The following SETBP1 variants were observed in gnomAD, a reference collection of about 807,000 sequenced individuals.
The protein encoded by SETBP1 is SET binding protein 1.
A neutral mutation model predicts 101.0 loss-of-function variants in SETBP1; 9 were observed. The ratio of observed to expected loss-of-function variants is 0.09; its 90% confidence interval spans 0.05 to 0.16. The LOEUF is 0.16. Ranked by LOEUF, SETBP1 falls within the 10% of genes least tolerant of loss-of-function variation. The pLI, the probability that SETBP1 is intolerant of heterozygous loss-of-function variation, is 1.00. For missense variants in SETBP1, 1,858 were observed against 2,033.8 expected (o/e 0.91, Z 1.66); for synonymous variants, 818 against 788.5 (o/e 1.04, Z -0.63).
At chr18:44,692,973 AGAGTATAAAAACACCACT>A (rs1204315468) in intron 1 of SETBP1, among the ~76,000 whole-genome samples, 1 of 152,208 alleles carries the variant, frequency 6.6e-6, no homozygotes, top group African/African-American at 2.4e-5. Context: ...ACACAAGTGC[AGAGTATAAAAACACCACT>A]GAGTAGGAGC....
chr18:44,704,482 T>G (rs1329615180), intron 2 of SETBP1, among the ~76,000 whole-genome samples: 1 of 152,230 alleles, frequency 6.6e-6, no homozygotes, highest in Non-Finnish European at 1.5e-5. Flanking sequence ...CTTCATATGG[T>G]ACTTCTCCAC....
intron 4 of SETBP1, among the ~76,000 whole-genome samples, chr18:44,970,475 T>G (rs926067751): frequency 6.6e-6 from 1 of 152,246 alleles, no homozygotes; most frequent in Non-Finnish European, 1.5e-5. Context: ...TATACCAACC[T>G]TTATTTCATA....
At chr18:44,736,327 C>A (rs1279333813) in intron 2 of SETBP1, among the ~76,000 whole-genome samples, 1 of 152,178 alleles carries the variant, frequency 6.6e-6, no homozygotes, top group Non-Finnish European at 1.5e-5. Flanking sequence ...TGCAGCAAGT[C>A]ATGATTGCAT....
chr18:44,809,948 C>T (rs1030247784), intron 2 of SETBP1, among the ~76,000 whole-genome samples: 2 of 152,208 alleles, frequency 1.3e-5, no homozygotes, highest in Non-Finnish European at 2.9e-5. Context: ...ACCACGTTCT[C>T]CAGGCTTATC....
chr18:44,912,592 T>C (rs908483128), intron 3 of SETBP1, among the ~76,000 whole-genome samples: 2 of 152,122 alleles, frequency 1.3e-5, no homozygotes, highest in Non-Finnish European at 2.9e-5. Flanking sequence ...TAATTTTTTG[T>C]ATTTTTAGTA....
At chr18:45,048,549 C>T (rs985268767) in intron 5 of SETBP1, among the ~76,000 whole-genome samples, 1 of 152,166 alleles carries the variant, frequency 6.6e-6, no homozygotes, top group African/African-American at 2.4e-5. Flanking sequence ...AGTCCCCTAC[C>T]CTTGAGGGCG....
intron 2 of SETBP1, among the ~76,000 whole-genome samples, chr18:44,747,424 C>G (rs2070280011): frequency 6.6e-6 from 1 of 152,326 alleles, no homozygotes; most frequent in South Asian, 2.1e-4. Context: ...AAAAAAAATT[C>G]TCCTTTTATT....
At chr18:44,740,813 T>C (rs1035381257) in intron 2 of SETBP1, among the ~76,000 whole-genome samples, 2 of 152,228 alleles carry the variant, frequency 1.3e-5, no homozygotes, top group Non-Finnish European at 2.9e-5. Flanking sequence ...TTCTCATTTT[T>C]AATTGGTTTT....
At chr18:44,934,532 C>T (rs1352742277) in intron 3 of SETBP1, among the ~76,000 whole-genome samples, 1 of 152,176 alleles carries the variant, frequency 6.6e-6, no homozygotes, top group Non-Finnish European at 1.5e-5. Context: ...GGGATTCGAA[C>T]TTGTTTTTCT....
intron 4 of SETBP1, among the ~76,000 whole-genome samples, chr18:45,029,630 C>A (rs1291373392): frequency 6.6e-6 from 1 of 152,150 alleles, no homozygotes; most frequent in Admixed American, 6.5e-5. Flanking sequence ...GATATTGATT[C>A]TTCCCACCCA....
intron 4 of SETBP1, among the ~76,000 whole-genome samples, chr18:44,968,293 A>G (rs2071764769): frequency 6.6e-6 from 1 of 152,238 alleles, no homozygotes; most frequent in Admixed American, 6.5e-5. Flanking sequence ...AATGAACAAG[A>G]AAGATAAAAG....
At chr18:44,681,595 A>G (rs1225631359) in intron 1 of SETBP1, among the ~76,000 whole-genome samples, 2 of 138,830 alleles carry the variant, frequency 1.4e-5, no homozygotes, top group Non-Finnish European at 3.1e-5. Flanking sequence ...CAAGTCTGAA[A>G]TCGGATCCAA....
At chr18:44,828,919 C>A (rs904830475) in intron 2 of SETBP1, among the ~76,000 whole-genome samples, 1 of 152,240 alleles carries the variant, frequency 6.6e-6, no homozygotes, top group Admixed American at 6.5e-5. Context: ...CTACACCCTG[C>A]TATAATCTTG....
intron 3 of SETBP1, among the ~76,000 whole-genome samples, chr18:44,931,165 C>T (rs1240738961): frequency 6.6e-6 from 1 of 152,208 alleles, no homozygotes; most frequent in Non-Finnish European, 1.5e-5. Flanking sequence ...TTTCAAAGAA[C>T]ATCTTTATTT....
At chr18:44,770,522 A>G (rs2070849668) in intron 2 of SETBP1, among the ~76,000 whole-genome samples, 1 of 152,222 alleles carries the variant, frequency 6.6e-6, no homozygotes, top group African/African-American at 2.4e-5. Context: ...TGGGATATGC[A>G]GTGGATTCGT....
In SETBP1 at chr18:44,953,095, G is replaced by A. The variant is rs752515477; in HGVS notation, c.3755G>A (p.Ser1252Asn). The change falls in exon 4 of 6, where the codon AGC becomes AAC. Residue 1252 changes from serine (S) to asparagine (N), a missense_variant. Coordinates refer to ENST00000649279, the MANE Select transcript of SETBP1 (RefSeq NM_015559.3). Reference protein sequence around the residue: ...WTQAKEKGDLSSEPVDSCTKR... With the variant: ...WTQAKEKGDLNSEPVDSCTKR... ...CAGGCCAAGGAAAAAGGAGACTTGA[G>A]CAGTGAGCCTGTGGACTCATGCACG... 1 of 1,614,094 alleles carries A rather than the reference G, an allele frequency of 6.2e-7. No individual in the cohort carries two copies. Among genetic ancestry groups the A allele is most frequent in the African/African-American group, 1.3e-5 (1 of 74,944 alleles).
At chr18:44,885,512 A>G (rs978700492) in intron 3 of SETBP1, among the ~76,000 whole-genome samples, 2 of 152,086 alleles carry the variant, frequency 1.3e-5, no homozygotes, top group Admixed American at 6.6e-5. Context: ...TTCTAATTCA[A>G]TATGTGCTGG....
intron 2 of SETBP1, among the ~76,000 whole-genome samples, chr18:44,770,603 C>T (rs1246937118): frequency 1.3e-5 from 2 of 151,982 alleles, no homozygotes; most frequent in African/African-American, 2.4e-5. Context: ...TTTTTGTTTT[C>T]ACACTTGCCA....
Position 44,869,941 on chromosome 18 carries a change from T to A in SETBP1, c.540+658T>A, listed in dbSNP as rs116859764. The A allele has an allele frequency of 2.2e-3, 362 of 167,688 alleles. 1 individual carries two copies. The East Asian group carries it at 0.033, about 15-fold the overall frequency. The allele number at this position is 167,688 out of a possible 1,614,324, so 10.4% of individuals were successfully genotyped here. On this transcript the variant is annotated intron_variant, in intron 3 of 5. Coordinates refer to ENST00000649279, the MANE Select transcript of SETBP1 (RefSeq NM_015559.3). Reference sequence around the variant, plus strand: ...GACACATACACACAAATCTCAGCTATACAAAAGCCCTTGTGTGCTCACATA... The same window carrying A: ...GACACATACACACAAATCTCAGCTAAACAAAAGCCCTTGTGTGCTCACATA...
Sources: gnomAD v4.1 joint callset for allele counts (sites outside exome capture counted in the v4.1 genomes callset) on GRCh38, gnomAD v4.1.1 for gene constraint, MANE v1.5 for transcripts, NCBI Gene and HGNC (gene_info 2026-07-23, HGNC 2026-07-21) for gene names.